Variants in GRIN2A observed in about 807,000 individuals in gnomAD.
GRIN2A encodes glutamate receptor ionotropic, NMDA 2A.
Under a neutral mutation model 113.4 loss-of-function variants are expected in GRIN2A, and 22 were observed. That is an observed-to-expected ratio of 0.19 (90% CI 0.14 to 0.28). The LOEUF is 0.28. Among genes scored for constraint, GRIN2A ranks in the 10% least tolerant of loss-of-function variants. The pLI is 1.00. For synonymous variants in GRIN2A, 827 were observed against 738.4 expected (o/e 1.12, Z -1.94); for missense variants, 1,502 against 1,887.0 (o/e 0.80, Z 3.78).
intron 2 of GRIN2A, among the ~76,000 whole-genome samples, chr16:10,155,549 A>G (rs890772275): frequency 2.6e-5 from 4 of 152,242 alleles, no homozygotes; most frequent in South Asian, 2.1e-4. Context: ...AATACCATCC[A>G]TGATTATAAT....
intron 2 of GRIN2A, among the ~76,000 whole-genome samples, chr16:10,013,679 G>A (rs1300771537): frequency 4.6e-5 from 7 of 152,110 alleles, no homozygotes; most frequent in South Asian, 2.1e-4. Flanking sequence ...CATCCTCCTG[G>A]GTCAGGAGCA....
chr16:9,787,867 C>A (rs982772802), intron 11 of GRIN2A, among the ~76,000 whole-genome samples: 4 of 152,152 alleles, frequency 2.6e-5, no homozygotes, highest in African/African-American at 9.6e-5. Context: ...GCTGAGGCTG[C>A]TGGTTGTAAT....
chr16:9,854,313 G>T (rs990896296), intron 4 of GRIN2A, among the ~76,000 whole-genome samples: 1 of 151,820 alleles, frequency 6.6e-6, no homozygotes, highest in Non-Finnish European at 1.5e-5. Flanking sequence ...GCCATTGAGG[G>T]TGGCCGTCTG....
chr16:9,825,926 C>A (rs1234197388), intron 9 of GRIN2A, among the ~76,000 whole-genome samples: 1 of 149,102 alleles, frequency 6.7e-6, no homozygotes, highest in East Asian at 2.0e-4. Context: ...GCCCCAGAAG[C>A]CAAGAATGGT....
At chr16:9,818,007 A>C (rs1489058685) in intron 10 of GRIN2A, among the ~76,000 whole-genome samples, 1 of 152,122 alleles carries the variant, frequency 6.6e-6, no homozygotes, top group East Asian at 1.9e-4. Flanking sequence ...GGTCGTGGTA[A>C]AGGACGAGAA....
chr16:10,066,403 A>C (rs1014350096), intron 2 of GRIN2A, among the ~76,000 whole-genome samples: 2 of 152,232 alleles, frequency 1.3e-5, no homozygotes, highest in African/African-American at 4.8e-5. Flanking sequence ...AAGGAGCAGC[A>C]GAGAGTTTCA....
chr16:9,799,161 T>C (rs1596425830), intron 10 of GRIN2A, among the ~76,000 whole-genome samples: 1 of 152,236 alleles, frequency 6.6e-6, no homozygotes, highest in Non-Finnish European at 1.5e-5. Context: ...ATACCGTCTC[T>C]GTTGCAGCTA....
intron 4 of GRIN2A, among the ~76,000 whole-genome samples, chr16:9,860,313 A>G (rs758674559): frequency 2.6e-5 from 4 of 151,728 alleles, no homozygotes; most frequent in Non-Finnish European, 4.4e-5. Flanking sequence ...AAAATTAGCC[A>G]GGCATGGGTC....
intron 10 of GRIN2A, among the ~76,000 whole-genome samples, chr16:9,812,646 A>G (rs1208620716): frequency 6.6e-6 from 1 of 152,120 alleles, no homozygotes; most frequent in African/African-American, 2.4e-5. Flanking sequence ...TCAAAACAAA[A>G]ACAAAAAAGA....
intron 3 of GRIN2A, among the ~76,000 whole-genome samples, chr16:9,935,012 G>C (rs1311639220): frequency 6.6e-6 from 1 of 152,076 alleles, no homozygotes; most frequent in African/African-American, 2.4e-5. Flanking sequence ...GTGTTTAAAG[G>C]CGTAACTTTG....
intron 2 of GRIN2A, among the ~76,000 whole-genome samples, chr16:9,950,458 T>C (rs1056995494): frequency 6.6e-6 from 1 of 152,150 alleles, no homozygotes; most frequent in Non-Finnish European, 1.5e-5. Flanking sequence ...CCATCAGATG[T>C]GGGTACCTGG....
intron 2 of GRIN2A, among the ~76,000 whole-genome samples, chr16:10,113,434 G>A (rs2048664693): frequency 2.0e-5 from 3 of 152,208 alleles, no homozygotes; most frequent in Non-Finnish European, 2.9e-5. Flanking sequence ...CGGGGAGGAG[G>A]CTGCCCTGCT....
intron 2 of GRIN2A, among the ~76,000 whole-genome samples, chr16:9,971,063 A>G (rs761589094): frequency 7.2e-5 from 11 of 152,210 alleles, no homozygotes; most frequent in Non-Finnish European, 1.5e-4. Flanking sequence ...GAGATGATCA[A>G]GGCATGAACA....
chr16:9,811,472 A>G (rs1005658078), intron 10 of GRIN2A, among the ~76,000 whole-genome samples: 1 of 152,152 alleles, frequency 6.6e-6, no homozygotes, highest in Non-Finnish European at 1.5e-5. Context: ...CAATAACAAG[A>G]GGTGGGCCAG....
Position 9,814,825 on chromosome 16 carries a change from G to T in GRIN2A, c.2168+7439C>A, listed in dbSNP as rs149125266. ...ACCTGATGTCGGGAATTTGAGTCCAGCCTGACCAACATGGAGAAACCCCAT... is the reference window on the plus strand; with the variant it reads ...ACCTGATGTCGGGAATTTGAGTCCATCCTGACCAACATGGAGAAACCCCAT... On this transcript the variant is annotated intron_variant, in intron 10 of 12. Transcript: ENST00000330684. 1.2e-3 allele frequency among the ~76,000 whole-genome samples: 177 copies of T among 152,178 alleles called. 2 individuals carry two copies. The East Asian group carries it at 0.017, about 14-fold the overall frequency.
chr16:9,978,439 T>C (rs957355179), intron 2 of GRIN2A, among the ~76,000 whole-genome samples: 1 of 152,154 alleles, frequency 6.6e-6, no homozygotes, highest in Non-Finnish European at 1.5e-5. Flanking sequence ...AGGTGGTTAG[T>C]ACTTTGTCTG....
intron 2 of GRIN2A, among the ~76,000 whole-genome samples, chr16:10,059,620 C>T (rs953222533): frequency 3.3e-5 from 5 of 150,462 alleles, no homozygotes; most frequent in African/African-American, 1.2e-4. Flanking sequence ...ATGCCTCAGA[C>T]AACAGAGCGT....
At chr16:10,147,133 C>T (rs138201010) in intron 2 of GRIN2A, among the ~76,000 whole-genome samples, 39 of 151,980 alleles carry the variant, frequency 2.6e-4, no homozygotes, top group African/African-American at 8.5e-4. Flanking sequence ...TATGGCACCC[C>T]CTGTGTATGC....
rs148812323 is a variant in GRIN2A, at chr16:10,046,796, CA to C, written c.415-108246del. On this transcript the variant is annotated intron_variant, in intron 2 of 12. Coordinates refer to ENST00000330684, the MANE Select transcript of GRIN2A (RefSeq NM_001134407.3). ...TCCAAGTGCTTTGTGGGTATCATTA[CA>C]TTTTCAGTCCCTACCACCCCCTTCA... Among the ~76,000 whole-genome samples, 755 of 152,314 alleles carry C rather than the reference CA, an allele frequency of 5.0e-3. 11 individuals are homozygous for C. The highest frequency in any genetic ancestry group is 0.017 in the African/African-American group (723 of 41,568).
Sources: allele counts gnomAD v4.1 joint callset (sites outside exome capture counted in the v4.1 genomes callset), GRCh38; gene constraint gnomAD v4.1.1; transcripts MANE v1.5; gene names NCBI Gene and HGNC (gene_info 2026-07-23, HGNC 2026-07-21).